The following DPY19L3 variants were observed in gnomAD, a reference collection of about 807,000 sequenced individuals.
The protein encoded by DPY19L3 is protein C-mannosyl-transferase DPY19L3.
In DPY19L3, 51 loss-of-function variants were observed where a neutral mutation model predicts 92.3. The ratio of observed to expected loss-of-function variants is 0.55; its 90% confidence interval spans 0.44 to 0.70. The LOEUF is 0.70. Among genes scored for constraint, DPY19L3 ranks in the 30% least tolerant of loss-of-function variants. The probability of loss-of-function intolerance (pLI) is 0.00; values close to 1 mark genes in which losing one functional copy is unlikely to be tolerated. For synonymous variants in DPY19L3, 309 were observed against 315.2 expected (o/e 0.98, Z 0.21); for missense variants, 706 against 855.9 (o/e 0.82, Z 2.18).
In DPY19L3 at chr19:32,434,085, C is replaced by T. The variant is rs188035940; in HGVS notation, c.328+1279C>T. 2.0e-4 allele frequency among the ~76,000 whole-genome samples: 31 copies of T among 152,308 alleles called. No homozygotes were observed. In the East Asian group the frequency reaches 5.6e-3, roughly 27 times the overall value. On this transcript the variant is annotated intron_variant, in intron 4 of 18. Transcript: ENST00000392250. ...AGTATTCATTTTTTCCCCATACAAT[C>T]AAACCTTGTTATTCACAGATTCCAT...
chr19:32,424,341 T>TA (rs918646300), intron 3 of DPY19L3, among the ~76,000 whole-genome samples: 14 of 145,712 alleles, frequency 9.6e-5, no homozygotes, highest in South Asian at 2.2e-4. Context: ...AAGAAATAAA[T>TA]AAAAAAAAAT....
chr19:32,407,784 A>G (rs747283500), intron 1 of DPY19L3, among the ~76,000 whole-genome samples: 9 of 152,310 alleles, frequency 5.9e-5, no homozygotes, highest in Non-Finnish European at 1.2e-4. Context: ...AAGGCCAGCA[A>G]CGATTTAGAT....
intron 3 of DPY19L3, among the ~76,000 whole-genome samples, chr19:32,429,166 A>C (rs1968876295): frequency 6.6e-6 from 1 of 152,148 alleles, no homozygotes; most frequent in Non-Finnish European, 1.5e-5. Context: ...GTTCTTTATA[A>C]ATACAAGTCT....
Position 32,432,795 on chromosome 19 carries a change from C to G in DPY19L3, c.317C>G (p.Thr106Ser), listed in dbSNP as rs1405032493. 5.6e-6 allele frequency: 9 copies of G among 1,613,708 alleles called. No individual in the cohort carries two copies. Among genetic ancestry groups the G allele is most frequent in the Non-Finnish European group, 7.6e-6 (9 of 1,179,860 alleles). ...TACAAGCAGATGCTGCAGGCTCCAA[C>G]CCTCGTGCAAGGTAATTACAACTGA... ...SYYKQMLQAP[T>S]LVQGFHGLIY... The change falls in exon 4 of 19, where the codon ACC becomes AGC. Residue 106 changes from threonine (T) to serine (S), a missense_variant. Transcript: ENST00000392250.
chr19:32,473,599 T>A (rs1409399107), intron 16 of DPY19L3, among the ~76,000 whole-genome samples: 2 of 152,208 alleles, frequency 1.3e-5, no homozygotes, highest in Admixed American at 6.5e-5. Flanking sequence ...TGTGTGATTG[T>A]TTGTTTCTCA....
At position 32,437,266 on chromosome 19, in the gene DPY19L3, T is replaced by A; in HGVS notation, c.523T>A (p.Tyr175Asn). 1 of 1,614,026 alleles carries A rather than the reference T, an allele frequency of 6.2e-7. No individual in the cohort carries two copies. Among genetic ancestry groups the A allele is most frequent in the Non-Finnish European group, 8.5e-7 (1 of 1,179,860 alleles). ...GLQAIYVTAL[Y>N]ITSWLLSGTW... The stretch of plus-strand genomic sequence containing the variant: ...CCAGGCGATCTATGTCACAGCTCTC[T>A]ACATAACCAGCTGGCTACTCAGTGG... The change falls in exon 6 of 19, where the codon TAC becomes AAC. Residue 175 changes from tyrosine (Y) to asparagine (N), a missense_variant. Transcript: ENST00000392250.
At chr19:32,456,970 G>A (rs1055279128) in intron 10 of DPY19L3, among the ~76,000 whole-genome samples, 2 of 152,100 alleles carry the variant, frequency 1.3e-5, no homozygotes, top group African/African-American at 2.4e-5. Flanking sequence ...AAACCATCCT[G>A]GGAAATGTAG....
At chr19:32,451,752 G>A in intron 8 of DPY19L3, among the ~76,000 whole-genome samples, 1 of 151,966 alleles carries the variant, frequency 6.6e-6, no homozygotes, top group Non-Finnish European at 1.5e-5. Context: ...GCTTCTTTTG[G>A]TATCAACCTA....
At chr19:32,446,591 T>C (rs777506694) in intron 8 of DPY19L3, among the ~76,000 whole-genome samples, 2 of 152,064 alleles carry the variant, frequency 1.3e-5, no homozygotes, top group African/African-American at 4.8e-5. Context: ...AAAGTAGATA[T>C]CAGAGCAAAG....
intron 1 of DPY19L3, among the ~76,000 whole-genome samples, chr19:32,407,002 C>CT (rs11428433): frequency 0.21 from 27,365 of 132,078 alleles, 2,691 homozygotes; most frequent in Non-Finnish European, 0.22. Flanking sequence ...TGGCTTCCTG[C>CT]TTTTTTTTTT....
intron 10 of DPY19L3, among the ~76,000 whole-genome samples, chr19:32,456,038 A>G (rs1192953820): frequency 6.6e-6 from 1 of 152,112 alleles, no homozygotes; most frequent in Non-Finnish European, 1.5e-5. Context: ...ATCAAAGAAA[A>G]AAAAGACTCT....
intron 8 of DPY19L3, among the ~76,000 whole-genome samples, chr19:32,452,718 G>T (rs960023827): frequency 6.6e-6 from 1 of 151,826 alleles, no homozygotes; most frequent in African/African-American, 2.4e-5. Context: ...TCTTTTTTTG[G>T]AGTCTCACTC....
chr19:32,479,757 G>C, intron 17 of DPY19L3: 1 of 293,212 alleles, frequency 3.4e-6, no homozygotes, highest in South Asian at 2.7e-5. Context: ...TGTGGCACTG[G>C]TATGAACGTG....
At chr19:32,415,118 A>G (rs1206738288) in intron 3 of DPY19L3, among the ~76,000 whole-genome samples, 1 of 152,234 alleles carries the variant, frequency 6.6e-6, no homozygotes, top group East Asian at 1.9e-4. Flanking sequence ...TGAGTAAGAT[A>G]AGGCCATGCC....
intron 12 of DPY19L3, among the ~76,000 whole-genome samples, chr19:32,462,075 GAATAAC>G (rs1279224362): frequency 6.6e-6 from 1 of 152,164 alleles, no homozygotes; most frequent in East Asian, 1.9e-4. Flanking sequence ...CATGGTAAGA[GAATAAC>G]AATAATAATA....
chr19:32,413,969 C>T (rs996943737), intron 3 of DPY19L3, among the ~76,000 whole-genome samples: 4 of 152,120 alleles, frequency 2.6e-5, no homozygotes, highest in African/African-American at 9.7e-5. Context: ...AGCAATCCTC[C>T]TGCGTTGGCC....
chr19:32,467,981 A>T (rs914499407), intron 15 of DPY19L3: 56 of 985,092 alleles, frequency 5.7e-5, no homozygotes, highest in Non-Finnish European at 6.3e-5. Context: ...AGAGCCCTAC[A>T]TTTAAATATT....
chr19:32,482,345 C>T lies in DPY19L3; in HGVS notation c.*105C>T, dbSNP rs1970699954. On this transcript the variant is annotated 3_prime_UTR_variant, in exon 19 of 19. Coordinates refer to ENST00000392250, the MANE Select transcript of DPY19L3 (RefSeq NM_001172774.2). ...TAAGTAGGTAGCCCAAACCTTCAAG[C>T]TGTGATATGAGTAAGTTCTACAGAT... The T allele has an allele frequency of 2.3e-6, 3 of 1,307,868 alleles. No individual in the cohort carries two copies. Among genetic ancestry groups the T allele is most frequent in the Admixed American group, 4.5e-5 (2 of 44,342 alleles). The allele number at this position is 1,307,868 out of a possible 1,614,324, so 81.0% of individuals were successfully genotyped here. A position where few individuals can be genotyped will look rare whatever the true frequency, so the allele number is the denominator to read the frequency against.
At position 32,482,286 on chromosome 19, in the gene DPY19L3, T is replaced by A. The variant is rs1217254881; in HGVS notation, c.*46T>A. 2 of 1,588,436 alleles carry A rather than the reference T, an allele frequency of 1.3e-6. No homozygotes were observed. The highest frequency in any genetic ancestry group is 2.3e-5 in the South Asian group (2 of 86,566). On this transcript the variant is annotated 3_prime_UTR_variant, in exon 19 of 19. Coordinates refer to ENST00000392250, the MANE Select transcript of DPY19L3 (RefSeq NM_001172774.2). ...CTATTTTTGATACGGAGAAACTGCA[T>A]CATGATGAAACTCAATAGATGACGT...
Sources: gnomAD v4.1 joint callset for allele counts (sites outside exome capture counted in the v4.1 genomes callset) on GRCh38, gnomAD v4.1.1 for gene constraint, MANE v1.5 for transcripts, NCBI Gene and HGNC (gene_info 2026-07-23, HGNC 2026-07-21) for gene names.